Variants in APBA1 observed in about 807,000 individuals in gnomAD.
APBA1 encodes amyloid-beta A4 precursor protein-binding family A member 1.
In APBA1, 55 loss-of-function variants were observed where a neutral mutation model predicts 86.6. That is an observed-to-expected ratio of 0.64 (90% confidence interval 0.51 to 0.80). The LOEUF is 0.80. Among genes scored for constraint, APBA1 ranks in the 30% least tolerant of loss-of-function variants. The pLI is 0.00. For synonymous variants in APBA1, 511 were observed against 493.9 expected, an observed-to-expected ratio of 1.03 and a Z score of -0.46; for missense variants, 1,090 against 1,183.0, an observed-to-expected ratio of 0.92 and a Z score of 1.15.
At chr9:69,499,006 T>C (rs1835841759) in intron 2 of APBA1, among the ~76,000 whole-genome samples, 1 of 152,134 alleles carries the variant, frequency 6.6e-6, no homozygotes, top group East Asian at 1.9e-4. Context: ...TGGGTTCCAT[T>C]TCTGCTGTCC....
intron 1 of APBA1, among the ~76,000 whole-genome samples, chr9:69,645,806 C>G (rs1040343054): frequency 2.0e-5 from 3 of 152,208 alleles, no homozygotes; most frequent in African/African-American, 4.8e-5. Context: ...GTGGCACTTT[C>G]TCGTCAGACC....
At chr9:69,638,984 G>C (rs1823233910) in intron 1 of APBA1, among the ~76,000 whole-genome samples, 1 of 151,824 alleles carries the variant, frequency 6.6e-6, no homozygotes, top group African/African-American at 2.4e-5. Flanking sequence ...CAAAAAACAG[G>C]GTCCATGCCC....
At chr9:69,481,799 C>A (rs969582320) in intron 2 of APBA1, among the ~76,000 whole-genome samples, 71 of 151,710 alleles carry the variant, frequency 4.7e-4, no homozygotes, top group Non-Finnish European at 8.2e-4. Flanking sequence ...CAGAACAGAG[C>A]CCTCAGAAAT....
chr9:69,672,290 C>T lies in APBA1; in HGVS notation c.-207G>A, dbSNP rs1823968028. 1 of 175,094 alleles carries T rather than the reference C, an allele frequency of 5.7e-6. No individual in the cohort carries two copies. Among genetic ancestry groups the T allele is most frequent in the Non-Finnish European group, 1.2e-5 (1 of 86,494 alleles). The allele number at this position is 175,094 out of a possible 1,614,324, so 10.8% of individuals were successfully genotyped here. On this transcript the variant is annotated 5_prime_UTR_variant, in exon 1 of 13. Transcript: ENST00000265381. ...CCATCTTCTCCCGCCGCAGCTGCCG[C>T]CGCCGCCGCCGCCGCCGGGACCGCA...
At chr9:69,532,274 T>G (rs1370720655) in intron 1 of APBA1, among the ~76,000 whole-genome samples, 3 of 152,186 alleles carry the variant, frequency 2.0e-5, no homozygotes, top group Admixed American at 2.0e-4. Flanking sequence ...ATACATTCCA[T>G]TAATTAAAAT....
chr9:69,512,601 C>T (rs1324797669), intron 2 of APBA1, among the ~76,000 whole-genome samples: 3 of 152,134 alleles, frequency 2.0e-5, no homozygotes, highest in African/African-American at 7.2e-5. Context: ...TTTGTTAAAA[C>T]TTTATCTGTG....
chr9:69,645,837 G>C (rs1374297965), intron 1 of APBA1, among the ~76,000 whole-genome samples: 1 of 152,108 alleles, frequency 6.6e-6, no homozygotes, highest in South Asian at 2.1e-4. Context: ...TTTGGTGTTG[G>C]GTGCTGCTCC....
chr9:69,609,312 A>G (rs1822535433), intron 1 of APBA1, among the ~76,000 whole-genome samples: 1 of 152,222 alleles, frequency 6.6e-6, no homozygotes, highest in Non-Finnish European at 1.5e-5. Flanking sequence ...AAGAGCTATC[A>G]TAAAAGACCC....
chr9:69,617,141 A>T (rs1822716777), intron 1 of APBA1, among the ~76,000 whole-genome samples: 1 of 152,192 alleles, frequency 6.6e-6, no homozygotes, highest in African/African-American at 2.4e-5. Flanking sequence ...GTAGCCAAGG[A>T]TAATCATCTC....
At chr9:69,587,179 C>T (rs1822037731) in intron 1 of APBA1, among the ~76,000 whole-genome samples, 1 of 152,178 alleles carries the variant, frequency 6.6e-6, no homozygotes, top group Admixed American at 6.5e-5. Context: ...GTTCAATTGC[C>T]TCCCCATCCT....
At chr9:69,474,714 G>A (rs1835415333) in intron 3 of APBA1, among the ~76,000 whole-genome samples, 2 of 152,130 alleles carry the variant, frequency 1.3e-5, no homozygotes, top group South Asian at 4.2e-4. Flanking sequence ...TCTAATGTTG[G>A]TGTCATTTCA....
Position 69,429,322 on chromosome 9 carries a change from C to T in APBA1, c.*2005G>A, listed in dbSNP as rs1761292. 0.35 allele frequency: 53,829 copies of T among 152,184 alleles called. 9,777 individuals carry two copies. The highest frequency in any genetic ancestry group is 0.49 in the East Asian group (2,508 of 5,168). 9.4% of individuals were successfully genotyped at this position (152,184 alleles called of 1,614,324 possible). A position where few individuals can be genotyped will look rare whatever the true frequency, so the allele number is the denominator to read the frequency against. ...AAATGGAGAACCCTGGCCATGGTTC[C>T]TTCCTGGTCCTCACGTTTGTGATGG... On this transcript the variant is annotated 3_prime_UTR_variant, in exon 13 of 13. Coordinates refer to ENST00000265381, the MANE Select transcript of APBA1 (RefSeq NM_001163.4).
At chr9:69,651,714 G>A (rs964854849) in intron 1 of APBA1, among the ~76,000 whole-genome samples, 1 of 152,216 alleles carries the variant, frequency 6.6e-6, no homozygotes, top group African/African-American at 2.4e-5. Flanking sequence ...GACCTCAGGT[G>A]ATCCACCTGC....
At chr9:69,483,318 T>TC (rs1835553472) in intron 2 of APBA1, among the ~76,000 whole-genome samples, 1 of 151,936 alleles carries the variant, frequency 6.6e-6, no homozygotes, top group Non-Finnish European at 1.5e-5. Flanking sequence ...GGGAGGTAAG[T>TC]CCTGAGCAAA....
At chr9:69,565,876 GA>G (rs1461539867) in intron 1 of APBA1, among the ~76,000 whole-genome samples, 1 of 152,184 alleles carries the variant, frequency 6.6e-6, no homozygotes, top group Non-Finnish European at 1.5e-5. Flanking sequence ...AATGCAAATG[GA>G]ATCACGTCCC....
chr9:69,634,772 CA>C (rs1305671050), intron 1 of APBA1, among the ~76,000 whole-genome samples: 2 of 152,158 alleles, frequency 1.3e-5, no homozygotes, highest in Non-Finnish European at 2.9e-5. Context: ...ATACATCTGG[CA>C]GCAGACTTTT....
At chr9:69,628,667 A>C (rs1447759601) in intron 1 of APBA1, among the ~76,000 whole-genome samples, 9 of 152,202 alleles carry the variant, frequency 5.9e-5, no homozygotes, top group Admixed American at 5.9e-4. Flanking sequence ...GAACTTCTTA[A>C]GCAGATAATG....
At chr9:69,548,147 T>C (rs1409325700) in intron 1 of APBA1, among the ~76,000 whole-genome samples, 1 of 152,182 alleles carries the variant, frequency 6.6e-6, no homozygotes, top group African/African-American at 2.4e-5. Context: ...CAATCCCCTC[T>C]CCTGCTGCTG....
At chr9:69,595,506 C>A (rs1033845733) in intron 1 of APBA1, among the ~76,000 whole-genome samples, 2 of 152,338 alleles carry the variant, frequency 1.3e-5, no homozygotes, top group Admixed American at 1.3e-4. Context: ...ATCTCTAACT[C>A]ATAGCCCATT....
Sources: allele counts gnomAD v4.1 joint callset (sites outside exome capture counted in the v4.1 genomes callset), GRCh38; gene constraint gnomAD v4.1.1; transcripts MANE v1.5; gene names NCBI Gene and HGNC (gene_info 2026-07-23, HGNC 2026-07-21).